Variants in ZC3H18 observed in about 807,000 individuals in gnomAD.
ZC3H18 encodes the protein zinc finger CCCH domain-containing protein 18.
ZC3H18 carries 8 observed loss-of-function variants against 106.1 expected under a neutral mutation model. The observed-to-expected ratio is 0.08, with a 90% confidence interval of 0.04 to 0.14. The LOEUF (loss-of-function observed/expected upper bound fraction) is 0.14. Ranked by LOEUF, ZC3H18 falls within the 10% of genes least tolerant of loss-of-function variation. The pLI is 1.00. For synonymous variants in ZC3H18, 635 were observed against 522.1 expected (o/e 1.22, Z -2.95); for missense variants, 1,318 against 1,278.4 (o/e 1.03, Z -0.47).
intron 3 of ZC3H18, among the ~76,000 whole-genome samples, chr16:88,595,068 T>A (rs994430221): frequency 1.3e-5 from 2 of 152,188 alleles, no homozygotes; most frequent in Admixed American, 6.5e-5. Context: ...GGAGAATCAC[T>A]TGAACCTGGG....
At chr16:88,599,695 G>A (rs1904644094) in intron 5 of ZC3H18, 96 bp from the exon 6 acceptor site, 69 of 1,424,400 alleles carry the variant, frequency 4.8e-5, no homozygotes, top group Non-Finnish European at 6.5e-5. Context: ...CTCCTGCAGG[G>A]CTGCTGCGGT....
chr16:88,613,681 G>GT (rs565696484), intron 8 of ZC3H18, among the ~76,000 whole-genome samples: 2 of 152,216 alleles, frequency 1.3e-5, no homozygotes, highest in African/African-American at 4.8e-5. Context: ...CTCATTTTTT[G>GT]TTTTTTATTA....
chr16:88,589,841 C>G (rs1915638629), intron 3 of ZC3H18, among the ~76,000 whole-genome samples: 1 of 152,200 alleles, frequency 6.6e-6, no homozygotes, highest in Non-Finnish European at 1.5e-5. Context: ...AGGATTTCCT[C>G]TTTGGGGTGA....
rs1906011978 is a variant in ZC3H18 at position 88,622,245 on chromosome 16, G to A, written c.1524G>A (p.Gln508=). Reference sequence around the variant, plus strand: ...AGGAGGCTGCCACCACGGGGCCGCAGGTGAAGAGAGCAGATGAGTGGAAGG... The same window carrying A: ...AGGAGGCTGCCACCACGGGGCCGCAAGTGAAGAGAGCAGATGAGTGGAAGG... The part of the protein sequence containing the change: ...PKKEAATTGP[Q]VKRADEWKDP... The change falls in exon 9 of 18, where the codon CAG becomes CAA. Residue 508 remains glutamine (Q), a synonymous_variant. Coordinates refer to ENST00000301011, the MANE Select transcript of ZC3H18 (RefSeq NM_144604.4). 1.2e-6 allele frequency: 2 copies of A among 1,613,938 alleles called. No homozygotes were observed. Among genetic ancestry groups the A allele is most frequent in the Admixed American group, 1.7e-5 (1 of 60,010 alleles).
At chr16:88,576,448 G>A (rs974840557) in intron 1 of ZC3H18, among the ~76,000 whole-genome samples, 2 of 152,196 alleles carry the variant, frequency 1.3e-5, no homozygotes, top group African/African-American at 4.8e-5. Flanking sequence ...CAACTTAGGA[G>A]TGTGAGTTGC....
chr16:88,618,592 G>T (rs1335027636), intron 8 of ZC3H18, among the ~76,000 whole-genome samples: 1 of 152,220 alleles, frequency 6.6e-6, no homozygotes, highest in Non-Finnish European at 1.5e-5. Flanking sequence ...CATCGGTGAG[G>T]CATGAGCTAT....
At chr16:88,606,759 T>C (rs1348553685) in intron 6 of ZC3H18, among the ~76,000 whole-genome samples, 1 of 152,202 alleles carries the variant, frequency 6.6e-6, no homozygotes, top group Middle Eastern at 3.2e-3. Context: ...ATTTGAGTAG[T>C]GTGCACATTA....
intron 7 of ZC3H18, among the ~76,000 whole-genome samples, chr16:88,610,170 G>T (rs1024880122): frequency 6.6e-6 from 1 of 152,218 alleles, no homozygotes; most frequent in Non-Finnish European, 1.5e-5. Context: ...GCATATTGAT[G>T]AGTTATGTGC....
At chr16:88,586,981 T>C (rs1480032425) in intron 3 of ZC3H18, among the ~76,000 whole-genome samples, 2 of 152,248 alleles carry the variant, frequency 1.3e-5, no homozygotes, top group African/African-American at 2.4e-5. Flanking sequence ...ATAACTATAA[T>C]GCAGATGGCA....
At chr16:88,625,661 G>A in intron 13 of ZC3H18, 1 of 206,506 alleles carries the variant, frequency 4.8e-6, no homozygotes, top group Admixed American at 5.4e-5. Flanking sequence ...ACCGGCCTGA[G>A]GGGGTGGGGA....
In ZC3H18 at chr16:88,623,349, G is replaced by A; in HGVS notation, c.1793+5G>A. Reference sequence around the variant, plus strand: ...GTTCTCAGGAAGCCGGTCCAGGTATGTCCCCAGGGCCCATGAAGGGCCCTC... The same window carrying A: ...GTTCTCAGGAAGCCGGTCCAGGTATATCCCCAGGGCCCATGAAGGGCCCTC... On this transcript the variant is annotated splice_donor_5th_base_variant and intron_variant, in intron 10 of 17. Transcript: ENST00000301011. 6.2e-7 allele frequency: 1 copy of A among 1,612,866 alleles called. No individual in the cohort carries two copies. Among genetic ancestry groups the A allele is most frequent in the South Asian group, 1.1e-5 (1 of 91,086 alleles).
In ZC3H18 at chr16:88,627,688, C is replaced by T. The variant is rs759181132; in HGVS notation, c.2175C>T (p.Ser725=). ...SATSSSSSAH[S]VDSEDMYADL... ...CGTCGAGCAGCAGCTCTGCACACAG[C>T]GTGGACTCGGAGGACATGTACGCAG... Residue 725 remains serine (S), a synonymous_variant, in exon 14 of 18, where the codon AGC becomes AGT. Transcript: ENST00000301011. This position sits in a 1 kb window ranked among gnomAD's most constrained non-coding sequence, Gnocchi z 4.5. 3.1e-6 allele frequency: 5 copies of T among 1,613,808 alleles called. No individual in the cohort carries two copies. In the Middle Eastern group the frequency reaches 6.6e-4, roughly 213 times the overall value.
chr16:88,575,760 C>CTGAA (rs1484216315), intron 1 of ZC3H18, among the ~76,000 whole-genome samples: 1 of 151,990 alleles, frequency 6.6e-6, no homozygotes, highest in East Asian at 1.9e-4. Context: ...GTTGCCCAGG[C>CTGAA]TGAAGCACAT....
At position 88,599,775 on chromosome 16, in the gene ZC3H18, C is replaced by A. The variant is rs569991646; in HGVS notation, c.931-16C>A. 6.2e-7 allele frequency: 1 copy of A among 1,600,770 alleles called. No homozygotes were observed. The highest frequency in any genetic ancestry group is 1.4e-5 in the African/African-American group (1 of 73,818). Reference sequence around the variant, plus strand: ...TATTCTGTTCCATGTTGACTTCTTTCTTCTTACAATGGTAGGTTTTAAAAA... The same window carrying A: ...TATTCTGTTCCATGTTGACTTCTTTATTCTTACAATGGTAGGTTTTAAAAA... On this transcript the variant is annotated splice_polypyrimidine_tract_variant and intron_variant, in intron 5 of 17. Transcript: ENST00000301011.
At chr16:88,581,319 T>C (rs1322014298) in intron 2 of ZC3H18, among the ~76,000 whole-genome samples, 1 of 152,182 alleles carries the variant, frequency 6.6e-6, no homozygotes, top group Non-Finnish European at 1.5e-5. Flanking sequence ...AAGCGCTTTC[T>C]CTTCTCTCAG....
At chr16:88,576,789 C>G (rs557923978) in intron 1 of ZC3H18, among the ~76,000 whole-genome samples, 2 of 152,222 alleles carry the variant, frequency 1.3e-5, no homozygotes, top group Admixed American at 6.5e-5. Context: ...CGATCCGTAT[C>G]GTTACTCACT....
intron 2 of ZC3H18, among the ~76,000 whole-genome samples, chr16:88,580,779 C>G (rs907793033): frequency 6.6e-6 from 1 of 152,220 alleles, no homozygotes; most frequent in Admixed American, 6.5e-5. Flanking sequence ...GGTCCCCTTT[C>G]CTTTCAGTCC....
chr16:88,585,711 G>A (rs1318831446), intron 2 of ZC3H18, among the ~76,000 whole-genome samples: 1 of 152,158 alleles, frequency 6.6e-6, no homozygotes, highest in African/African-American at 2.4e-5. Flanking sequence ...GAGTTGAGGA[G>A]GGAATGAGAG....
chr16:88,631,607 C>T lies in ZC3H18; in HGVS notation c.*308C>T. 2.0e-6 allele frequency: 1 copy of T among 489,982 alleles called. No homozygotes were observed. The highest frequency in any genetic ancestry group is 4.0e-6 in the Non-Finnish European group (1 of 249,952). The allele number at this position is 489,982 out of a possible 1,614,324, so 30.4% of individuals were successfully genotyped here. A position where few individuals can be genotyped will look rare whatever the true frequency, so the allele number is the denominator to read the frequency against. On this transcript the variant is annotated 3_prime_UTR_variant, in exon 18 of 18. Coordinates refer to ENST00000301011, the MANE Select transcript of ZC3H18 (RefSeq NM_144604.4). Reference sequence around the variant, plus strand: ...TCTCTTCCTCCTCCTCCGTCTTCTTCCCTGGCCCTGGTCAGGCCTGTGGAG... The same window carrying T: ...TCTCTTCCTCCTCCTCCGTCTTCTTTCCTGGCCCTGGTCAGGCCTGTGGAG...
Sources: gnomAD v4.1 joint callset for allele counts (sites outside exome capture counted in the v4.1 genomes callset) on GRCh38, gnomAD v4.1.1 for gene constraint, Gnocchi (gnomAD v3.1) non-coding constraint, MANE v1.5 for transcripts, NCBI Gene and HGNC (gene_info 2026-07-23, HGNC 2026-07-21) for gene names.